The following IGSF10 variants were observed in gnomAD, a reference collection of about 807,000 sequenced individuals.
IGSF10 encodes calvaria mechanical force protein 608.
Under a neutral mutation model 128.2 loss-of-function variants are expected in IGSF10, and 126 were observed. The observed-to-expected ratio is 0.98, with a 90% confidence interval of 0.85 to 1.14. IGSF10 has a LOEUF of 1.14. Ranked by LOEUF, IGSF10 falls within the 50% of genes most tolerant of loss-of-function variation. The pLI is 0.00. For synonymous variants in IGSF10, 1,185 were observed against 1,146.2 expected (o/e 1.03, Z -0.68); for missense variants, 3,295 against 3,149.8 (o/e 1.05, Z -1.10).
At position 151,437,412 on chromosome 3, in the gene IGSF10, T is replaced by A; in HGVS notation, c.7149A>T (p.Pro2383=). ...LPNGTRFSNG[P]QSYQYLIASN... Reference sequence around the variant, plus strand: ...TTGCTATCAGATACTGATAACTTTGTGGTCCATTGGAAAATCGTGTGCCAT... The same window carrying A: ...TTGCTATCAGATACTGATAACTTTGAGGTCCATTGGAAAATCGTGTGCCAT... The change falls in exon 8 of 8, where the codon CCA becomes CCT. Residue 2383 remains proline (P), a synonymous_variant. Transcript: ENST00000282466. The A allele has an allele frequency of 6.2e-7, 1 of 1,614,222 alleles. No individual in the cohort carries two copies. The highest frequency in any genetic ancestry group is 8.5e-7 in the Non-Finnish European group (1 of 1,180,026).
chr3:151,597,866 G>A, the IGSF10 span, among the ~76,000 whole-genome samples: 240 of 151,718 alleles, frequency 1.6e-3, 1 homozygote, highest in African/African-American at 5.4e-3. Context: ...GCAGTGAGCC[G>A]AGGTCGCACC....
the IGSF10 span, among the ~76,000 whole-genome samples, chr3:151,526,439 A>C: frequency 6.6e-6 from 1 of 152,150 alleles, no homozygotes; most frequent in Admixed American, 6.6e-5. Flanking sequence ...ATAATGAAAA[A>C]ATGTTTAATG....
At chr3:151,439,280 T>C (rs1720687275) in intron 7 of IGSF10, among the ~76,000 whole-genome samples, 1 of 152,220 alleles carries the variant, frequency 6.6e-6, no homozygotes, top group Non-Finnish European at 1.5e-5. Flanking sequence ...TTCTAAACAG[T>C]TATTAGTAAC....
Position 151,437,552 on chromosome 3 carries a change from G to A in IGSF10, c.7009C>T (p.Pro2337Ser), listed in dbSNP as rs796365213. The A allele has an allele frequency of 6.2e-7, 1 of 1,614,132 alleles. No homozygotes were observed. The highest frequency in any genetic ancestry group is 8.5e-7 in the Non-Finnish European group (1 of 1,180,032). ...QLEVLEMLRR[P>S]TFRNPFNEKI... ...TCATTAAATGGATTTCTAAATGTCG[G>A]TCTTCTCAGCATTTCCAGTACTTCT... The change falls in exon 8 of 8, where the codon CCG (proline) becomes TCG (serine). Residue 2337 changes from proline (P) to serine (S), a missense_variant. Physicochemically the swap from Pro to Ser is moderately conservative, Grantham distance 74. Transcript: ENST00000282466.
chr3:151,559,051 A>C, the IGSF10 span, among the ~76,000 whole-genome samples: 2,456 of 152,286 alleles, frequency 0.016, 22 homozygotes, highest in South Asian at 0.025. Flanking sequence ...TTGCATTTAC[A>C]CTGAGGAAAA....
the IGSF10 span, among the ~76,000 whole-genome samples, chr3:151,552,465 A>G: frequency 6.6e-6 from 1 of 152,164 alleles, no homozygotes; most frequent in Non-Finnish European, 1.5e-5. Context: ...TTAAGTAAAT[A>G]TGAATTTCAG....
the IGSF10 span, among the ~76,000 whole-genome samples, chr3:151,558,434 G>A: frequency 6.6e-6 from 1 of 152,026 alleles, no homozygotes; most frequent in Non-Finnish European, 1.5e-5. Context: ...GCCCATTCAA[G>A]ACACTGCCAA....
At chr3:151,505,717 T>TCA in the IGSF10 span, among the ~76,000 whole-genome samples, 1 of 152,148 alleles carries the variant, frequency 6.6e-6, no homozygotes, top group Non-Finnish European at 1.5e-5. Context: ...CAAATTAGTC[T>TCA]TTTCTAGGGA....
the IGSF10 span, among the ~76,000 whole-genome samples, chr3:151,584,320 C>A: frequency 6.6e-6 from 1 of 152,154 alleles, no homozygotes; most frequent in Non-Finnish European, 1.5e-5. Flanking sequence ...TTTTTATAAG[C>A]AACACATAGG....
the IGSF10 span, among the ~76,000 whole-genome samples, chr3:151,466,659 GC>G: frequency 6.6e-6 from 1 of 152,082 alleles, no homozygotes; most frequent in South Asian, 2.1e-4. Context: ...GCTCATTGCA[GC>G]CTCCACCTCC....
At chr3:151,497,660 TTC>T in the IGSF10 span, among the ~76,000 whole-genome samples, 1 of 150,928 alleles carries the variant, frequency 6.6e-6, no homozygotes, top group African/African-American at 2.4e-5. Flanking sequence ...GTGATGTGGG[TTC>T]TTTTTTGGTT....
the IGSF10 span, among the ~76,000 whole-genome samples, chr3:151,600,350 C>T: frequency 6.6e-6 from 1 of 152,100 alleles, no homozygotes; most frequent in African/African-American, 2.4e-5. Context: ...CTTACCAATT[C>T]TCTCCAGAGG....
At chr3:151,601,532 G>A in the IGSF10 span, among the ~76,000 whole-genome samples, 1 of 152,184 alleles carries the variant, frequency 6.6e-6, no homozygotes, top group Non-Finnish European at 1.5e-5. Context: ...TTGGCTCAAA[G>A]AACATGTTTT....
At chr3:151,450,099 C>T (rs933600537) in intron 5 of IGSF10, among the ~76,000 whole-genome samples, 3 of 152,204 alleles carry the variant, frequency 2.0e-5, no homozygotes, top group Non-Finnish European at 4.4e-5. Flanking sequence ...GGTTGCAAGT[C>T]TTACAGCACT....
chr3:151,441,798 A>G (rs966020788), intron 7 of IGSF10, among the ~76,000 whole-genome samples: 1 of 152,242 alleles, frequency 6.6e-6, no homozygotes, highest in African/African-American at 2.4e-5. Flanking sequence ...ACGGTGGCTC[A>G]TGCCTGTAAT....
chr3:151,571,253 T>C, the IGSF10 span, among the ~76,000 whole-genome samples: 3 of 152,220 alleles, frequency 2.0e-5, no homozygotes, highest in African/African-American at 7.2e-5. Context: ...GGTGGTTTTT[T>C]CCAATTCTGT....
chr3:151,462,039 C>T (rs576265029), upstream of IGSF10, among the ~76,000 whole-genome samples: 19 of 152,192 alleles, frequency 1.2e-4, no homozygotes, highest in Non-Finnish European at 2.4e-4. Flanking sequence ...TCTCCTTTCT[C>T]ATCTCCAACC....
At chr3:151,477,569 A>G in the IGSF10 span, among the ~76,000 whole-genome samples, 1 of 152,248 alleles carries the variant, frequency 6.6e-6, no homozygotes, top group Non-Finnish European at 1.5e-5. Flanking sequence ...GAAATAAGCT[A>G]TAGACATGTA....
chr3:151,546,146 A>C, the IGSF10 span, among the ~76,000 whole-genome samples: 2 of 151,974 alleles, frequency 1.3e-5, no homozygotes, highest in Non-Finnish European at 2.9e-5. Context: ...AGCATCAAAA[A>C]CAGATCTATG....
Sources: allele counts gnomAD v4.1 joint callset (sites outside exome capture counted in the v4.1 genomes callset), GRCh38; gene constraint gnomAD v4.1.1; transcripts MANE v1.5; gene names NCBI Gene and HGNC (gene_info 2026-07-23, HGNC 2026-07-21).